Variants in BTBD16 observed in about 807,000 individuals in gnomAD.
The protein encoded by BTBD16 is BTB domain containing 16.
A neutral mutation model predicts 67.4 loss-of-function variants in BTBD16; 66 were observed. The observed-to-expected ratio is 0.98, with a 90% CI of 0.80 to 1.20. The LOEUF is 1.20. Ranked by LOEUF, BTBD16 falls within the 50% of genes most tolerant of loss-of-function variation. The probability of loss-of-function intolerance (pLI) is 0.00; values close to 1 mark genes in which losing one functional copy is unlikely to be tolerated. For missense variants in BTBD16, 634 were observed against 616.0 expected, an observed-to-expected ratio of 1.03 and a Z score of -0.31; for synonymous variants, 242 against 236.4, an observed-to-expected ratio of 1.02 and a Z score of -0.22.
At chr10:122,331,031 T>A in intron 11 of BTBD16, 145 bp from the exon 12 acceptor site, 1 of 1,015,404 alleles carries the variant, frequency 9.8e-7, no homozygotes, top group Non-Finnish European at 1.4e-6. Context: ...TTATTTCCAC[T>A]TTGTCAATCA....
chr10:122,276,688 T>TA (rs2096341221), intron 2 of BTBD16, 103 bp from the exon 3 acceptor site: 2 of 1,492,598 alleles, frequency 1.3e-6, no homozygotes, highest in Non-Finnish European at 9.1e-7. Flanking sequence ...ACCAGCACTG[T>TA]AAAATTTGTC....
chr10:122,292,017 T>TTGC (rs2096375066), intron 7 of BTBD16, among the ~76,000 whole-genome samples: 1 of 152,132 alleles, frequency 6.6e-6, no homozygotes, highest in South Asian at 2.1e-4. Context: ...GTAACAGACA[T>TTGC]TGCTTGGTGT....
Position 122,313,995 on chromosome 10 carries a change from A to G in BTBD16, c.911+6687A>G, listed in dbSNP as rs993557413. 3.9e-5 allele frequency among the ~76,000 whole-genome samples: 6 copies of G among 152,158 alleles called. 1 individual carries two copies. The highest frequency in any genetic ancestry group is 1.2e-4 in the African/African-American group (5 of 41,442). ...CTTGAGATGGAATAAGACATCCCCC[A>G]ATTTTGTTCTTCTCCAAGATTACTT... On this transcript the variant is annotated intron_variant, in intron 10 of 15. Transcript: ENST00000260723.
At chr10:122,282,520 A>G (rs1308258292) in intron 3 of BTBD16, among the ~76,000 whole-genome samples, 1 of 152,222 alleles carries the variant, frequency 6.6e-6, no homozygotes, top group African/African-American at 2.4e-5. Context: ...GGTGAAGTTG[A>G]CACTGCATGA....
chr10:122,319,482 A>G (rs967895503), intron 10 of BTBD16, among the ~76,000 whole-genome samples: 3 of 152,180 alleles, frequency 2.0e-5, no homozygotes. Context: ...TGAAAAGAGT[A>G]TTCTATTTCC....
At chr10:122,289,559 T>G (rs2142064186) in intron 5 of BTBD16, among the ~76,000 whole-genome samples, 1 of 152,128 alleles carries the variant, frequency 6.6e-6, no homozygotes, top group South Asian at 2.1e-4. Flanking sequence ...GCCAACATGG[T>G]GAAACTCCAT....
chr10:122,336,249 G>A (rs3817278), intron 14 of BTBD16, among the ~76,000 whole-genome samples: 1 of 152,144 alleles, frequency 6.6e-6, no homozygotes, highest in Non-Finnish European at 1.5e-5. Flanking sequence ...CATAAAGCTT[G>A]ACTTGATGGT....
chr10:122,287,607 C>A, intron 5 of BTBD16: 1 of 406,276 alleles, frequency 2.5e-6, no homozygotes, highest in Non-Finnish European at 3.3e-6. Context: ...GGAACAGTCA[C>A]AGTCCTTCAT....
At position 122,332,510 on chromosome 10, in the gene BTBD16, C is replaced by T. The variant is rs761013504; in HGVS notation, c.1161C>T (p.Asn387=). The T allele has an allele frequency of 3.1e-6, 5 of 1,612,874 alleles. No homozygotes were observed. In the Admixed American group the frequency reaches 6.7e-5, roughly 22 times the overall value. ...TQAVRFGLLF[N]QENTTYSKTI... ...CTGTGAGATTTGGGCTGCTCTTTAA[C>T]CAGGTACTGAGAACTGTACCCGAAC... Residue 387 remains asparagine (N), a synonymous_variant, in exon 13 of 16, where the codon AAC becomes AAT. Coordinates refer to ENST00000260723, the MANE Select transcript of BTBD16 (RefSeq NM_144587.5).
At chr10:122,337,963 G>A (rs964745127) in intron 15 of BTBD16, 54 bp from the exon 16 acceptor site, 22 of 1,444,446 alleles carry the variant, frequency 1.5e-5, no homozygotes, top group Non-Finnish European at 2.0e-5. Context: ...CTTCTGGGGG[G>A]CAATTGTGTT....
chr10:122,310,741 C>G (rs2096412350), intron 10 of BTBD16, among the ~76,000 whole-genome samples: 1 of 152,200 alleles, frequency 6.6e-6, no homozygotes, highest in Non-Finnish European at 1.5e-5. Context: ...ACAGAGCAAT[C>G]TACTTCCCGG....
chr10:122,297,856 G>C lies in BTBD16; in HGVS notation c.660+19G>C, dbSNP rs1318254567. ...CTGCAAGGTGAGAACAACCCAGACGGGGCACATCGCCCCTTGGGGGGGCCT... is the reference window on the plus strand; with the variant it reads ...CTGCAAGGTGAGAACAACCCAGACGCGGCACATCGCCCCTTGGGGGGGCCT... On this transcript the variant is annotated intron_variant, in intron 8 of 15. Transcript: ENST00000260723. The C allele has an allele frequency of 1.2e-6, 2 of 1,613,316 alleles. No individual in the cohort carries two copies. Among genetic ancestry groups the C allele is most frequent in the Admixed American group, 1.7e-5 (1 of 59,994 alleles).
intron 2 of BTBD16, among the ~76,000 whole-genome samples, chr10:122,275,876 A>T (rs536563104): frequency 4.7e-4 from 71 of 151,706 alleles, no homozygotes; most frequent in Non-Finnish European, 8.2e-4. Flanking sequence ...CAAAAGAATA[A>T]AAAGACAGGT....
Position 122,298,965 on chromosome 10 carries a change from T to C in BTBD16, c.661-39T>C, listed in dbSNP as rs1564981033. On this transcript the variant is annotated intron_variant, in intron 8 of 15. Coordinates refer to ENST00000260723, the MANE Select transcript of BTBD16 (RefSeq NM_144587.5). ...CAGGCCAGCAGAGGGTGCCAAGAGC[T>C]CAGGACTTCCTTCATCAACTGGCTT... 3.7e-6 allele frequency: 6 copies of C among 1,608,682 alleles called. 1 individual carries two copies. The South Asian group carries it at 6.6e-5, about 18-fold the overall frequency.
chr10:122,307,452 G>T, intron 10 of BTBD16, 144 bp downstream of exon 10: 1 of 786,204 alleles, frequency 1.3e-6, no homozygotes, highest in Non-Finnish European at 1.9e-6. Context: ...TAGGGCCTAA[G>T]ATTATAGGAT....
At chr10:122,283,073 A>T (rs544278082) in intron 3 of BTBD16, among the ~76,000 whole-genome samples, 3 of 152,184 alleles carry the variant, frequency 2.0e-5, no homozygotes, top group Admixed American at 6.5e-5. Flanking sequence ...TAGCCGTGCT[A>T]AGGAGTTTGG....
intron 5 of BTBD16, 146 bp from the exon 6 acceptor site, chr10:122,289,763 T>C (rs1027567622): frequency 3.0e-5 from 15 of 496,308 alleles, no homozygotes; most frequent in African/African-American, 2.8e-4. Context: ...ATTAATTAAT[T>C]AATTAATTAC....
chr10:122,292,071 G>T (rs1345740619), intron 7 of BTBD16, among the ~76,000 whole-genome samples: 3 of 152,208 alleles, frequency 2.0e-5, no homozygotes, highest in Non-Finnish European at 4.4e-5. Flanking sequence ...CCCTGGAGGG[G>T]TGAGACTCAG....
intron 7 of BTBD16, among the ~76,000 whole-genome samples, chr10:122,297,444 A>C (rs908384599): frequency 1.3e-5 from 2 of 152,256 alleles, no homozygotes; most frequent in African/African-American, 2.4e-5. Context: ...GGGGATGACC[A>C]GATGGCTATG....
Sources: allele counts gnomAD v4.1 joint callset (sites outside exome capture counted in the v4.1 genomes callset), GRCh38; gene constraint gnomAD v4.1.1; transcripts MANE v1.5; gene names NCBI Gene and HGNC (gene_info 2026-07-23, HGNC 2026-07-21).